The following DENND1A variants were observed in gnomAD, a reference collection of about 807,000 sequenced individuals.
The protein encoded by DENND1A is DENN domain containing 1A.
In DENND1A, 51 loss-of-function variants were observed where a neutral mutation model predicts 113.7. The ratio of observed to expected loss-of-function variants is 0.45; its 90% confidence interval spans 0.36 to 0.57. DENND1A has a LOEUF of 0.57. DENND1A is among the 20% of genes least tolerant of loss of function. The pLI is 0.00. For synonymous variants in DENND1A, 565 were observed against 570.8 expected (o/e 0.99, Z 0.14); for missense variants, 1,258 against 1,395.9 (o/e 0.90, Z 1.57).
chr9:123,741,581 G>T (rs751615690), intron 5 of DENND1A, among the ~76,000 whole-genome samples: 1 of 152,188 alleles, frequency 6.6e-6, no homozygotes, highest in African/African-American at 2.4e-5. Flanking sequence ...AATTGTTTAA[G>T]GCCCTTCCTT....
At chr9:123,898,317 A>C (rs1851087823) in intron 1 of DENND1A, among the ~76,000 whole-genome samples, 1 of 152,052 alleles carries the variant, frequency 6.6e-6, no homozygotes. Context: ...TACATATAAT[A>C]TGATACATTT....
At chr9:123,467,183 A>G (rs768376067) in intron 13 of DENND1A, among the ~76,000 whole-genome samples, 10 of 152,240 alleles carry the variant, frequency 6.6e-5, no homozygotes, top group Non-Finnish European at 1.3e-4. Flanking sequence ...AGACATGGAC[A>G]TGTTTACTTT....
chr9:123,904,164 G>A lies in DENND1A; in HGVS notation c.18-25143C>T, dbSNP rs1418604203. ...CAACAGACCTGCAGCTGAGGGTCCT[G>A]TCTGTTAGAAGGAAAACTAACAAAC... On this transcript the variant is annotated intron_variant, in intron 1 of 23. Coordinates refer to ENST00000394215, the MANE Select transcript of DENND1A (RefSeq NM_001352964.2). 3.3e-5 allele frequency among the ~76,000 whole-genome samples: 5 copies of A among 152,290 alleles called. No homozygotes were observed. The South Asian group carries it at 6.2e-4, about 19-fold the overall frequency.
intron 19 of DENND1A, chr9:123,414,269 T>G (rs2044542936): frequency 3.8e-6 from 5 of 1,320,304 alleles, no homozygotes; most frequent in Admixed American, 3.6e-5. Context: ...AACGAGATGA[T>G]GGACGTCAGG....
chr9:123,645,702 T>C (rs1274442704), intron 9 of DENND1A, among the ~76,000 whole-genome samples: 2 of 152,184 alleles, frequency 1.3e-5, no homozygotes, highest in Admixed American at 6.5e-5. Context: ...AAGAAAAGCC[T>C]TTTAAAAGTC....
intron 2 of DENND1A, among the ~76,000 whole-genome samples, chr9:123,848,821 T>C (rs1000631827): frequency 3.9e-5 from 6 of 152,178 alleles, no homozygotes; most frequent in African/African-American, 1.4e-4. Flanking sequence ...TGATTGCTGA[T>C]ACATGAAAGT....
intron 2 of DENND1A, among the ~76,000 whole-genome samples, chr9:123,819,287 C>T (rs1215299311): frequency 6.6e-6 from 1 of 152,204 alleles, no homozygotes; most frequent in African/African-American, 2.4e-5. Flanking sequence ...CAAACTCTCA[C>T]CATCCTAACA....
chr9:123,510,633 A>G (rs777517443), intron 13 of DENND1A, among the ~76,000 whole-genome samples: 9 of 152,136 alleles, frequency 5.9e-5, no homozygotes, highest in South Asian at 2.1e-4. Flanking sequence ...TAGACTCCAT[A>G]CCACAGGCCA....
Position 123,722,649 on chromosome 9 carries a change from G to C in DENND1A, c.302+35054C>G, listed in dbSNP as rs144613984. 1.4e-3 allele frequency among the ~76,000 whole-genome samples: 220 copies of C among 152,346 alleles called. 2 individuals are homozygous for C. Among genetic ancestry groups the C allele is most frequent in the Non-Finnish European group, 2.5e-3 (167 of 68,032 alleles). On this transcript the variant is annotated intron_variant, in intron 5 of 23. Transcript: ENST00000394215. ...AAGGGTCCAAAGTACAGCTCAGGCT[G>C]TTGCTTCATAGGGTGGAAGCCCCAA...
chr9:123,811,798 G>C (rs1170280401), intron 2 of DENND1A, among the ~76,000 whole-genome samples: 2 of 152,012 alleles, frequency 1.3e-5, no homozygotes, highest in Non-Finnish European at 2.9e-5. Context: ...TTGCCTCTTT[G>C]CCAAACATCC....
intron 2 of DENND1A, among the ~76,000 whole-genome samples, chr9:123,846,465 T>G (rs1424817883): frequency 6.6e-6 from 1 of 152,158 alleles, no homozygotes; most frequent in African/African-American, 2.4e-5. Flanking sequence ...CATCAACAGA[T>G]GAATGGATAA....
chr9:123,928,522 T>C (rs968181858), intron 1 of DENND1A: 8 of 978,336 alleles, frequency 8.2e-6, no homozygotes, highest in Non-Finnish European at 9.7e-6. Flanking sequence ...GGAGCATGCT[T>C]CTAACTTTTT....
rs1004707984 is a variant in DENND1A at position 123,609,519 on chromosome 9, T to A, written c.720-38A>T. The A allele has an allele frequency of 3.7e-6, 6 of 1,602,024 alleles. No individual in the cohort carries two copies. The African/African-American group carries it at 6.7e-5, about 18-fold the overall frequency. On this transcript the variant is annotated intron_variant, in intron 10 of 23. Transcript: ENST00000394215. ...ACAGAGACACACAGCTGCTTTAATG[T>A]CTGTTGCTTCTGACAGAAAATTACA... is the stretch of plus-strand genomic sequence containing the variant.
chr9:123,918,636 C>T (rs891881038), intron 1 of DENND1A, among the ~76,000 whole-genome samples: 2 of 152,136 alleles, frequency 1.3e-5, no homozygotes, highest in Non-Finnish European at 2.9e-5. Flanking sequence ...TCAAAAATTA[C>T]CTTTTGAAAA....
chr9:123,411,986 C>T (rs555872035), intron 19 of DENND1A, among the ~76,000 whole-genome samples, 157 bp from the exon 20 acceptor site: 1 of 152,322 alleles, frequency 6.6e-6, no homozygotes, highest in Admixed American at 6.5e-5. Context: ...CCTTTTGAGG[C>T]CGTCTCCTCT....
intron 12 of DENND1A, among the ~76,000 whole-genome samples, chr9:123,573,046 C>T (rs2058444127): frequency 6.6e-6 from 1 of 152,038 alleles, no homozygotes; most frequent in Non-Finnish European, 1.5e-5. Flanking sequence ...AATAAAAGAT[C>T]CCTCTTCTTT....
intron 11 of DENND1A, among the ~76,000 whole-genome samples, chr9:123,588,390 G>A (rs1429430061): frequency 3.3e-5 from 5 of 151,562 alleles, no homozygotes; most frequent in South Asian, 2.1e-4. Flanking sequence ...AGGCTGAGGC[G>A]GGTGGATCAC....
rs971160905 is a variant in DENND1A, at chr9:123,914,203, G to C, written c.17+15686C>G. 2.0e-5 allele frequency among the ~76,000 whole-genome samples: 3 copies of C among 152,106 alleles called. No individual in the cohort carries two copies. In the East Asian group the frequency reaches 5.8e-4, roughly 29 times the overall value. ...AAGCTCAAGGTCTTGAAGGGCACCT[G>C]TGTTGGTCTGTTCCTGCCATTGCTA... On this transcript the variant is annotated intron_variant, in intron 1 of 23. Transcript: ENST00000394215.
At chr9:123,414,020 T>A in intron 19 of DENND1A, 1 of 990,154 alleles carries the variant, frequency 1.0e-6, no homozygotes, top group Admixed American at 5.7e-5. Flanking sequence ...CCAGCCCCAC[T>A]GTCTTCACTG....
Sources: allele counts gnomAD v4.1 joint callset (sites outside exome capture counted in the v4.1 genomes callset), GRCh38; gene constraint gnomAD v4.1.1; transcripts MANE v1.5; gene names NCBI Gene and HGNC (gene_info 2026-07-23, HGNC 2026-07-21).